GCLC: variants seen among roughly 807,000 people sequenced by gnomAD.
GCLC encodes the protein glutamate-cysteine ligase catalytic subunit, also known as glutamate--cysteine ligase catalytic subunit.
Under a neutral mutation model 81.5 loss-of-function variants are expected in GCLC, and 30 were observed. That is an observed-to-expected ratio of 0.37 (90% CI 0.28 to 0.50). The LOEUF (loss-of-function observed/expected upper bound fraction) is 0.50, where lower values mean the gene tolerates loss of function less well. Ranked by LOEUF, GCLC falls within the 20% of genes least tolerant of loss-of-function variation. GCLC has a pLI of 0.96. For missense variants in GCLC, 556 were observed against 777.4 expected (o/e 0.72, Z 3.39); for synonymous variants, 262 against 273.3 (o/e 0.96, Z 0.41).
Position 53,520,861 on chromosome 6 carries a change from C to G in GCLC, c.363G>C (p.Glu121Asp). 1 of 1,613,996 alleles carries G rather than the reference C, an allele frequency of 6.2e-7. No individual in the cohort carries two copies. Among genetic ancestry groups the G allele is most frequent in the Non-Finnish European group, 8.5e-7 (1 of 1,179,844 alleles). ...GGTMSEFNTV[E>D]ANMRKRRKEA... is the part of the protein sequence containing the mutation. ...CCTTCCGGCGTTTTCGCATGTTGGC[C>G]TCAACTGTATTGAACTCGGACATTG... Residue 121 changes from glutamate (E) to aspartate (D), a missense_variant, in exon 3 of 16, where the codon GAG (glutamate) becomes GAC (aspartate). By Grantham distance (45) the Glu-to-Asp change is conservative. Transcript: ENST00000650454.
intron 1 of GCLC, among the ~76,000 whole-genome samples, chr6:53,526,214 T>C (rs1202865071): frequency 6.6e-6 from 1 of 152,166 alleles, no homozygotes; most frequent in East Asian, 1.9e-4. Context: ...GTAATCCAAG[T>C]CATTTAATGC....
rs1351600055 is a variant in GCLC, at chr6:53,497,562, T to C, written c.*1194A>G. ...TTATTGCAATCTCTTCAAGTTAGCA[T>C]ATTACAGTTTAAATATTTATGCCTG... On this transcript the variant is annotated 3_prime_UTR_variant, in exon 16 of 16. Coordinates refer to ENST00000650454, the MANE Select transcript of GCLC (RefSeq NM_001498.4). The C allele has an allele frequency of 6.6e-6, 1 of 152,606 alleles. No individual in the cohort carries two copies. Among genetic ancestry groups the C allele is most frequent in the East Asian group, 1.9e-4 (1 of 5,198 alleles). 9.5% of individuals were successfully genotyped at this position (152,606 alleles called of 1,614,324 possible).
At chr6:53,510,073 G>A (rs1226514913) in intron 6 of GCLC, 1 of 152,476 alleles carries the variant, frequency 6.6e-6, no homozygotes, top group African/African-American at 2.4e-5. Context: ...GAGGAAAGAT[G>A]TGGGGAGAGT....
intron 3 of GCLC, among the ~76,000 whole-genome samples, chr6:53,519,361 G>A (rs1049217369): frequency 6.6e-6 from 1 of 151,580 alleles, no homozygotes; most frequent in African/African-American, 2.4e-5. Flanking sequence ...CCCTCCCTAA[G>A]ACTGTCCTCC....
At chr6:53,527,589 G>A (rs1763104358) in intron 1 of GCLC, among the ~76,000 whole-genome samples, 3 of 152,138 alleles carry the variant, frequency 2.0e-5, no homozygotes, top group Admixed American at 2.0e-4. Flanking sequence ...GGCAGATGTG[G>A]CTCCTGTTCT....
At chr6:53,537,747 A>C (rs547109) in intron 1 of GCLC, among the ~76,000 whole-genome samples, 27,140 of 152,012 alleles carry the variant, frequency 0.18, 4,008 homozygotes, top group African/African-American at 0.36. Flanking sequence ...GTAAAAAAAA[A>C]CCAAAAAACC....
In GCLC at chr6:53,500,527, A is replaced by G. The variant is rs781148224; in HGVS notation, c.1396-14T>C. The G allele has an allele frequency of 1.0e-5, 16 of 1,568,582 alleles. No homozygotes were observed. The highest frequency in any genetic ancestry group is 1.2e-5 in the Non-Finnish European group (14 of 1,139,984). On this transcript the variant is annotated splice_polypyrimidine_tract_variant and intron_variant, in intron 12 of 15. Transcript: ENST00000650454. ...GTTCTCATCAACCTAAGGGAAAAAA[A>G]GAATCACGACTAAGTCAAAATATTC...
chr6:53,523,626 T>C (rs1035785304), intron 1 of GCLC, among the ~76,000 whole-genome samples: 1 of 152,248 alleles, frequency 6.6e-6, no homozygotes, highest in Non-Finnish European at 1.5e-5. Flanking sequence ...AGCCTGTGAC[T>C]GTGTGACTGG....
At chr6:53,509,588 C>T (rs933736727) in intron 6 of GCLC, 6 of 393,984 alleles carry the variant, frequency 1.5e-5, no homozygotes, top group African/African-American at 1.0e-4. Context: ...GCCTTCCTAT[C>T]CCTTCAGTCA....
Position 53,498,895 on chromosome 6 carries a change from A to G in GCLC, c.1775T>C (p.Val592Ala), listed in dbSNP as rs752150600. 1.2e-6 allele frequency: 2 copies of G among 1,612,996 alleles called. No homozygotes were observed. Among genetic ancestry groups the G allele is most frequent in the Non-Finnish European group, 1.7e-6 (2 of 1,178,938 alleles). The change falls in exon 16 of 16, where the codon GTC (valine) becomes GCC (alanine). Residue 592 changes from valine (V) to alanine (A), a missense_variant. Transcript: ENST00000650454. ...GCTATAATTCATTTCATCAGTTATG[A>G]CACTGTCTTGCTTGTAGTCAGGATG... ...ANHPDYKQDS[V>A]ITDEMNYSLI...
intron 12 of GCLC, among the ~76,000 whole-genome samples, chr6:53,501,828 T>A (rs1399337422): frequency 6.6e-6 from 1 of 152,252 alleles, no homozygotes; most frequent in African/African-American, 2.4e-5. Context: ...TAACGACCAC[T>A]TATAATTTGT....
chr6:53,501,400 T>A (rs1240940089), intron 12 of GCLC: 1 of 152,258 alleles, frequency 6.6e-6, no homozygotes, highest in Non-Finnish European at 1.5e-5. Context: ...CCTCCGGACA[T>A]GTAGACTCAC....
chr6:53,541,614 G>A (rs186669767), intron 1 of GCLC, among the ~76,000 whole-genome samples: 3 of 151,638 alleles, frequency 2.0e-5, no homozygotes, highest in Admixed American at 6.5e-5. Flanking sequence ...AGTAGGGTGG[G>A]GGGGCGGTGG....
At position 53,498,772 on chromosome 6, in the gene GCLC, G is replaced by A. The variant is rs925356846; in HGVS notation, c.1898C>T (p.Thr633Ile). The A allele has an allele frequency of 6.2e-7, 1 of 1,606,506 alleles. No homozygotes were observed. The highest frequency in any genetic ancestry group is 1.1e-5 in the South Asian group (1 of 90,916). Reference protein sequence around the residue: ...FRKVKYSGSKTDSSN With the variant: ...FRKVKYSGSKIDSSN The stretch of plus-strand genomic sequence containing the variant: ...GTAGAATGTCTAGTTGGATGAGTCA[G>A]TTTTACTTCCACTATATTTTACTTT... The change falls in exon 16 of 16, where the codon ACT becomes ATT. Residue 633 changes from threonine (T) to isoleucine (I), a missense_variant. By Grantham distance (89) the Thr-to-Ile change is moderately conservative. Around this residue, in one of 3 missense-constraint regions of GCLC, gnomAD observed 313 missense variants for 437.3 expected, o/e 0.72. Coordinates refer to ENST00000650454, the MANE Select transcript of GCLC (RefSeq NM_001498.4).
At chr6:53,544,442 G>A in intron 1 of GCLC, 54 bp downstream of exon 1, 1 of 1,584,710 alleles carries the variant, frequency 6.3e-7, no homozygotes, top group Non-Finnish European at 8.6e-7. Context: ...GACAAAGGCA[G>A]CGCGGGCGGC....
Position 53,507,522 on chromosome 6 carries a change from A to G in GCLC, c.1042T>C (p.Leu348=). 7 of 1,608,368 alleles carry G rather than the reference A, an allele frequency of 4.4e-6. No homozygotes were observed. Among genetic ancestry groups the G allele is most frequent in the Non-Finnish European group, 6.0e-6 (7 of 1,174,930 alleles). Residue 348 remains leucine, a synonymous_variant, in exon 9 of 16, where the codon TTG becomes CTG. Transcript: ENST00000650454. ...TCGTAGATCTCTTTATCTATCGTCAAGTCGATGTCATTATATTTCTCACCA... is the reference window on the plus strand; with the variant it reads ...TCGTAGATCTCTTTATCTATCGTCAGGTCGATGTCATTATATTTCTCACCA... ...KCGEKYNDID[L]TIDKEIYEQL... is the part of the protein sequence containing the mutation.
intron 3 of GCLC, among the ~76,000 whole-genome samples, chr6:53,517,201 C>T (rs931160156): frequency 6.8e-6 from 1 of 146,952 alleles, no homozygotes. Flanking sequence ...ATCCTCCTGC[C>T]TCAGGCTCCT....
intron 6 of GCLC, 38 bp from the exon 7 acceptor site, chr6:53,509,288 C>T: frequency 8.4e-7 from 1 of 1,184,880 alleles, no homozygotes; most frequent in Non-Finnish European, 1.3e-6. Context: ...ACCAAGGAAT[C>T]ATTAGCATGC....
At chr6:53,525,347 G>A (rs1763062518) in intron 1 of GCLC, among the ~76,000 whole-genome samples, 1 of 152,158 alleles carries the variant, frequency 6.6e-6, no homozygotes, top group Non-Finnish European at 1.5e-5. Flanking sequence ...AGTCAAACTA[G>A]AGCTGAAATG....
Sources: gnomAD v4.1 joint callset for allele counts (sites outside exome capture counted in the v4.1 genomes callset) on GRCh38, gnomAD v4.1.1 for gene constraint, gnomAD v4.1.1 regional missense constraint, MANE v1.5 for transcripts, NCBI Gene and HGNC (gene_info 2026-07-23, HGNC 2026-07-21) for gene names.